Variants in SBF2 observed in about 807,000 individuals in gnomAD.
SBF2 encodes the protein myotubularin-related protein 13.
SBF2 carries 112 observed loss-of-function variants against 225.2 expected under a neutral mutation model. The observed-to-expected ratio is 0.50, with a 90% CI of 0.43 to 0.58. The LOEUF (loss-of-function observed/expected upper bound fraction) is 0.58. SBF2 is among the 20% of genes least tolerant of loss of function. The probability of loss-of-function intolerance (pLI) is 0.00; values close to 1 mark genes in which losing one functional copy is unlikely to be tolerated. For synonymous variants in SBF2, 763 were observed against 773.3 expected, an observed-to-expected ratio of 0.99 and a Z score of 0.22; for missense variants, 1,996 against 2,206.2, an observed-to-expected ratio of 0.90 and a Z score of 1.91.
At chr11:10,127,736 G>T (rs1178450787) in intron 2 of SBF2, among the ~76,000 whole-genome samples, 2 of 152,034 alleles carry the variant, frequency 1.3e-5, no homozygotes, top group Non-Finnish European at 1.5e-5. Flanking sequence ...AGGGATTTTG[G>T]TCATGCTTCT....
intron 16 of SBF2, among the ~76,000 whole-genome samples, chr11:9,904,278 C>T (rs1260185251): frequency 1.3e-5 from 2 of 151,796 alleles, no homozygotes; most frequent in African/African-American, 4.8e-5. Context: ...CAGGCAAATA[C>T]CAAAAGAAGT....
intron 17 of SBF2, among the ~76,000 whole-genome samples, chr11:9,870,823 A>T (rs1858663552): frequency 6.6e-6 from 1 of 151,976 alleles, no homozygotes. Flanking sequence ...AAAATACAAA[A>T]ATTAGCTGGG....
At chr11:9,785,490 C>T (rs1852312492) in intron 36 of SBF2, 172 bp from the exon 37 acceptor site, 3 of 637,574 alleles carry the variant, frequency 4.7e-6, no homozygotes, top group African/African-American at 1.8e-5. Flanking sequence ...CTGGAAACAA[C>T]CTACACGTCC....
chr11:9,918,352 CTTTTT>C (rs762400395), intron 16 of SBF2, among the ~76,000 whole-genome samples: 1 of 151,784 alleles, frequency 6.6e-6, no homozygotes, highest in Non-Finnish European at 1.5e-5. Flanking sequence ...TGTCCATTTT[CTTTTT>C]ATTTCTTTTT....
chr11:10,249,319 A>G (rs1322583587), intron 1 of SBF2, among the ~76,000 whole-genome samples: 4 of 152,208 alleles, frequency 2.6e-5, no homozygotes, highest in Non-Finnish European at 5.9e-5. Context: ...GATTTGTCTA[A>G]TGAGGCTTTA....
intron 9 of SBF2, 59 bp downstream of exon 9, chr11:9,998,207 G>T: frequency 1.0e-6 from 1 of 975,344 alleles, no homozygotes; most frequent in Non-Finnish European, 1.6e-6. Context: ...TTTAATTTTA[G>T]CTATCTTAGC....
At chr11:10,050,178 T>A (rs1193206812) in intron 2 of SBF2, among the ~76,000 whole-genome samples, 1 of 152,218 alleles carries the variant, frequency 6.6e-6, no homozygotes, top group African/African-American at 2.4e-5. Context: ...TTCACATCTT[T>A]AAAGAAACTA....
At chr11:10,222,937 T>C (rs1018589644) in intron 1 of SBF2, among the ~76,000 whole-genome samples, 13 of 151,586 alleles carry the variant, frequency 8.6e-5, no homozygotes, top group African/African-American at 2.9e-4. Flanking sequence ...TTCAATAACC[T>C]TATATATATA....
intron 1 of SBF2, among the ~76,000 whole-genome samples, chr11:10,209,606 AC>A (rs1468550359): frequency 1.3e-5 from 2 of 151,860 alleles, no homozygotes; most frequent in African/African-American, 2.4e-5. Context: ...TGCTGTTTGT[AC>A]CCCCTATTAA....
chr11:10,123,374 A>G (rs1181750756), intron 2 of SBF2, among the ~76,000 whole-genome samples: 1 of 152,146 alleles, frequency 6.6e-6, no homozygotes. Flanking sequence ...TACTCTAATC[A>G]CTTGTTCTAC....
intron 1 of SBF2, among the ~76,000 whole-genome samples, chr11:10,246,058 G>A (rs75886577): frequency 0.023 from 3,499 of 152,102 alleles, 98 homozygotes; most frequent in African/African-American, 0.066. Context: ...TCTATTGTCC[G>A]ACATACTGCC....
chr11:10,082,002 A>C (rs1057436617), intron 2 of SBF2, among the ~76,000 whole-genome samples: 2 of 152,106 alleles, frequency 1.3e-5, no homozygotes, highest in Non-Finnish European at 1.5e-5. Flanking sequence ...TAACCACGAA[A>C]AGGAGAGAAG....
chr11:10,116,657 C>T (rs1365203536), intron 2 of SBF2, among the ~76,000 whole-genome samples: 2 of 149,834 alleles, frequency 1.3e-5, no homozygotes, highest in Non-Finnish European at 3.0e-5. Context: ...TTTTAATTGT[C>T]TTTTTTTTTT....
chr11:9,927,965 G>T (rs11042550), intron 16 of SBF2, among the ~76,000 whole-genome samples: 30,494 of 151,874 alleles, frequency 0.2, 3,843 homozygotes, highest in Non-Finnish European at 0.29. Context: ...AGATAAACTA[G>T]AAACAGCTGA....
chr11:9,786,185 G>A (rs1352328596), intron 36 of SBF2, among the ~76,000 whole-genome samples: 2 of 152,176 alleles, frequency 1.3e-5, no homozygotes, highest in African/African-American at 2.4e-5. Flanking sequence ...CACAGTGACA[G>A]TTGGAAGGAC....
chr11:10,012,159 AT>A (rs1459042160), intron 6 of SBF2, among the ~76,000 whole-genome samples: 1 of 152,040 alleles, frequency 6.6e-6, no homozygotes, highest in Admixed American at 6.6e-5. Flanking sequence ...TCAGTTATTT[AT>A]TTTGAGAAAG....
At chr11:9,825,901 A>G (rs1855033819) in intron 28 of SBF2, among the ~76,000 whole-genome samples, 1 of 152,246 alleles carries the variant, frequency 6.6e-6, no homozygotes, top group African/African-American at 2.4e-5. Context: ...ACCAGTATAG[A>G]TGAACAGACT....
At chr11:9,896,325 A>G (rs990983022) in intron 16 of SBF2, among the ~76,000 whole-genome samples, 1 of 152,210 alleles carries the variant, frequency 6.6e-6, no homozygotes, top group Admixed American at 6.5e-5. Context: ...AAAGATTGTT[A>G]AAAGTTGTGT....
intron 20 of SBF2, among the ~76,000 whole-genome samples, chr11:9,853,129 A>G (rs568967128): frequency 1.3e-5 from 2 of 152,330 alleles, no homozygotes; most frequent in South Asian, 4.1e-4. Flanking sequence ...AAAACATTAT[A>G]CTAAATGAAA....
Sources: allele counts gnomAD v4.1 joint callset (sites outside exome capture counted in the v4.1 genomes callset), GRCh38; gene constraint gnomAD v4.1.1; transcripts MANE v1.5; gene names NCBI Gene and HGNC (gene_info 2026-07-23, HGNC 2026-07-21).